The following PAN3 variants were observed in gnomAD, a reference collection of about 807,000 sequenced individuals.
The protein encoded by PAN3 is poly(A) specific ribonuclease subunit PAN3.
A neutral mutation model predicts 96.2 loss-of-function variants in PAN3; 19 were observed. The observed-to-expected ratio is 0.20, with a 90% CI of 0.14 to 0.29. The LOEUF is 0.29. PAN3 is among the 10% of genes least tolerant of loss of function. The pLI, the probability that PAN3 is intolerant of heterozygous loss-of-function variation, is 1.00. For synonymous variants in PAN3, 433 were observed against 406.6 expected (o/e 1.06, Z -0.78); for missense variants, 882 against 1,108.1 (o/e 0.80, Z 2.90).
chr13:28,245,168 T>A (rs1189587712), intron 6 of PAN3, among the ~76,000 whole-genome samples: 1 of 152,138 alleles, frequency 6.6e-6, no homozygotes, highest in Non-Finnish European at 1.5e-5. Context: ...TATTTTTAAA[T>A]TTTGTTGGTA....
chr13:28,185,675 AT>A (rs1270652985), intron 4 of PAN3, among the ~76,000 whole-genome samples: 2 of 151,636 alleles, frequency 1.3e-5, no homozygotes, highest in Non-Finnish European at 2.9e-5. Context: ...GTGAACTGAA[AT>A]TTTTTTATGC....
intron 17 of PAN3, among the ~76,000 whole-genome samples, chr13:28,283,922 G>T (rs1222514228): frequency 6.6e-6 from 1 of 152,194 alleles, no homozygotes; most frequent in Non-Finnish European, 1.5e-5. Context: ...TCCTATGGAT[G>T]TGTTATAGTT....
intron 17 of PAN3, among the ~76,000 whole-genome samples, chr13:28,281,851 A>G (rs569669820): frequency 5.4e-5 from 8 of 149,504 alleles, no homozygotes; most frequent in African/African-American, 2.0e-4. Flanking sequence ...GCTGACTGCA[A>G]CCTCTGCCTC....
At chr13:28,289,319 G>A (rs1057051977) in intron 18 of PAN3, among the ~76,000 whole-genome samples, 1 of 152,070 alleles carries the variant, frequency 6.6e-6, no homozygotes, top group Non-Finnish European at 1.5e-5. Flanking sequence ...CTGTCACCCA[G>A]GCTATAGTGC....
In PAN3 at chr13:28,138,656, C is replaced by A; in HGVS notation, c.-2C>A. ...GGCGGAAGACGAGGCTGCGGCGTTG[C>A]CATGAACAGTGGCGGCGGCCTCCCG... On this transcript the variant is annotated 5_prime_UTR_variant, in exon 1 of 19. Transcript: ENST00000380958. 1.6e-6 allele frequency: 1 copy of A among 639,594 alleles called. No individual in the cohort carries two copies. Among genetic ancestry groups the A allele is most frequent in the African/African-American group, 2.0e-5 (1 of 50,596 alleles). The allele number at this position is 639,594 out of a possible 1,614,324, so 39.6% of individuals were successfully genotyped here. A position where few individuals can be genotyped will look rare whatever the true frequency, so the allele number is the denominator to read the frequency against.
chr13:28,283,573 A>G (rs1369017653), intron 17 of PAN3, among the ~76,000 whole-genome samples: 2 of 152,198 alleles, frequency 1.3e-5, no homozygotes, highest in African/African-American at 2.4e-5. Context: ...CTTTAAATAT[A>G]TAAAAATTGT....
intron 5 of PAN3, among the ~76,000 whole-genome samples, chr13:28,202,567 T>A (rs1043175925): frequency 1.3e-5 from 2 of 152,162 alleles, no homozygotes; most frequent in African/African-American, 2.4e-5. Flanking sequence ...CTGAAAAATC[T>A]TCCTTCTTTT....
intron 18 of PAN3, among the ~76,000 whole-genome samples, 165 bp downstream of exon 18, chr13:28,288,287 T>C (rs1276062205): frequency 6.6e-6 from 1 of 152,210 alleles, no homozygotes; most frequent in Non-Finnish European, 1.5e-5. Flanking sequence ...ATTTTTACAA[T>C]ACTTGCATGA....
In PAN3 at chr13:28,244,791, CT is replaced by C. The variant is rs746999258; in HGVS notation, c.1001-11494del. Among the ~76,000 whole-genome samples the C allele has an allele frequency of 3.0e-4, 45 of 151,100 alleles. No individual in the cohort carries two copies. The East Asian group carries it at 5.8e-3, about 19-fold the overall frequency. On this transcript the variant is annotated intron_variant, in intron 6 of 18. Transcript: ENST00000380958. ...AGTTTTTTTCTGGCTATTCTTGATG[CT>C]TTTTTTCCCCCACATAGATATAATT...
At chr13:28,192,996 C>T (rs1877486391) in intron 4 of PAN3, among the ~76,000 whole-genome samples, 2 of 152,046 alleles carry the variant, frequency 1.3e-5, no homozygotes, top group South Asian at 2.1e-4. Context: ...CAGGAGTGTC[C>T]AATTTTTTGG....
chr13:28,203,652 G>T (rs1168129325), intron 5 of PAN3, among the ~76,000 whole-genome samples: 2 of 151,966 alleles, frequency 1.3e-5, no homozygotes, highest in African/African-American at 4.8e-5. Context: ...ACTTTTTGGG[G>T]CTTATTTTGA....
chr13:28,228,247 C>G (rs977757980), intron 6 of PAN3, among the ~76,000 whole-genome samples: 1 of 152,120 alleles, frequency 6.6e-6, no homozygotes, highest in Admixed American at 6.5e-5. Flanking sequence ...CTTGAATTAT[C>G]CTTTGATTCT....
chr13:28,171,301 T>C (rs889989118), intron 1 of PAN3, among the ~76,000 whole-genome samples: 5 of 152,130 alleles, frequency 3.3e-5, no homozygotes, highest in Non-Finnish European at 7.4e-5. Context: ...CACAACACTT[T>C]TGACACCAGA....
chr13:28,221,448 A>G (rs939284074), intron 6 of PAN3, among the ~76,000 whole-genome samples: 10 of 152,196 alleles, frequency 6.6e-5, no homozygotes, highest in Non-Finnish European at 2.9e-5. Context: ...TCCAGGGCTT[A>G]ATCTAATTAG....
chr13:28,144,969 C>T (rs888061187), intron 1 of PAN3, among the ~76,000 whole-genome samples: 1 of 151,994 alleles, frequency 6.6e-6, no homozygotes, highest in Non-Finnish European at 1.5e-5. Context: ...CCACCTGCCT[C>T]AGCCTCCGAA....
chr13:28,185,814 C>G (rs1171348558), intron 4 of PAN3, among the ~76,000 whole-genome samples: 2 of 152,102 alleles, frequency 1.3e-5, no homozygotes, highest in Non-Finnish European at 2.9e-5. Flanking sequence ...TCTCTTGAAC[C>G]TACAAACTAG....
chr13:28,253,407 A>T (rs1884892127), intron 6 of PAN3, among the ~76,000 whole-genome samples: 1 of 151,816 alleles, frequency 6.6e-6, no homozygotes, highest in South Asian at 2.1e-4. Context: ...TAGATATTTT[A>T]CTCAGTTCTT....
rs1038718283 is a variant in PAN3 at position 28,279,709 on chromosome 13, G to A, written c.2190-703G>A. Among the ~76,000 whole-genome samples, 9 of 151,452 alleles carry A rather than the reference G, an allele frequency of 5.9e-5. 1 individual carries two copies. Among genetic ancestry groups the A allele is most frequent in the Admixed American group, 3.3e-4 (5 of 15,238 alleles). On this transcript the variant is annotated intron_variant, in intron 15 of 18. Transcript: ENST00000380958. The stretch of plus-strand genomic sequence containing the variant: ...CAGGAGGCAGAGGTTGCAGTGAGCC[G>A]AGATCACGCCACTGCACTCCAGCCT...
At chr13:28,287,059 T>G (rs1173533046) in intron 17 of PAN3, among the ~76,000 whole-genome samples, 5 of 152,168 alleles carry the variant, frequency 3.3e-5, no homozygotes, top group African/African-American at 1.2e-4. Context: ...CTGTCGTCTT[T>G]TCTTCTCTTT....
Sources: allele counts gnomAD v4.1 joint callset (sites outside exome capture counted in the v4.1 genomes callset), GRCh38; gene constraint gnomAD v4.1.1; transcripts MANE v1.5; gene names NCBI Gene and HGNC (gene_info 2026-07-23, HGNC 2026-07-21).